GALNT13: variants seen among roughly 807,000 people sequenced by gnomAD.
GALNT13 encodes polypeptide N-acetylgalactosaminyltransferase 13, also known as UDP-GalNAc:polypeptide N-acetylgalactosaminyltransferase 13.
In GALNT13, 28 loss-of-function variants were observed where a neutral mutation model predicts 64.2. The observed-to-expected ratio is 0.44, with a 90% confidence interval of 0.32 to 0.60. The LOEUF is 0.60. Among genes scored for constraint, GALNT13 ranks in the 20% least tolerant of loss-of-function variants. The probability of loss-of-function intolerance (pLI) is 0.05; values close to 1 mark genes in which losing one functional copy is unlikely to be tolerated. For missense variants in GALNT13, 577 were observed against 669.8 expected (o/e 0.86, Z 1.53); for synonymous variants, 214 against 224.6 (o/e 0.95, Z 0.42).
At chr2:153,243,752 A>G in the GALNT13 span, among the ~76,000 whole-genome samples, 1 of 152,174 alleles carries the variant, frequency 6.6e-6, no homozygotes, top group Non-Finnish European at 1.5e-5. Context: ...AGCAAGTTGG[A>G]TAAGATTTGA....
chr2:153,707,660 C>A, the GALNT13 span, among the ~76,000 whole-genome samples: 2 of 152,166 alleles, frequency 1.3e-5, no homozygotes, highest in African/African-American at 4.8e-5. Flanking sequence ...TCTCTTCATG[C>A]TCCTCGTCTA....
the GALNT13 span, among the ~76,000 whole-genome samples, chr2:153,820,684 T>C: frequency 6.6e-6 from 1 of 152,128 alleles, no homozygotes; most frequent in African/African-American, 2.4e-5. Flanking sequence ...ATGTTACCAC[T>C]ACACCAGCCT....
the GALNT13 span, among the ~76,000 whole-genome samples, chr2:153,756,268 C>T: frequency 9.2e-5 from 14 of 152,094 alleles, no homozygotes; most frequent in Admixed American, 7.9e-4. Flanking sequence ...TTAAAATAAG[C>T]ATTTTACCTT....
At chr2:153,133,006 G>GGCCACT in the GALNT13 span, among the ~76,000 whole-genome samples, 1 of 152,004 alleles carries the variant, frequency 6.6e-6, no homozygotes, top group Non-Finnish European at 1.5e-5. Flanking sequence ...TACGGGCATG[G>GGCCACT]GCCACTGTGC....
At chr2:154,125,462 C>G (rs1373355977) in intron 3 of GALNT13, among the ~76,000 whole-genome samples, 4 of 152,044 alleles carry the variant, frequency 2.6e-5, no homozygotes, top group Non-Finnish European at 4.4e-5. Flanking sequence ...ACTTAATGTT[C>G]AGTTATATCT....
At chr2:153,674,386 G>T in the GALNT13 span, among the ~76,000 whole-genome samples, 1 of 152,086 alleles carries the variant, frequency 6.6e-6, no homozygotes, top group Non-Finnish European at 1.5e-5. Context: ...AGAGGTCTAA[G>T]AAATAATACC....
chr2:153,975,328 T>C (rs1463238472), intron 3 of GALNT13, among the ~76,000 whole-genome samples: 5 of 152,068 alleles, frequency 3.3e-5, no homozygotes, highest in Non-Finnish European at 7.4e-5. Context: ...ACTGGTGCTT[T>C]ACCAAATTTC....
At chr2:154,219,307 G>C (rs1688205163) in intron 4 of GALNT13, among the ~76,000 whole-genome samples, 1 of 151,988 alleles carries the variant, frequency 6.6e-6, no homozygotes, top group African/African-American at 2.4e-5. Context: ...TTAAAGGTAA[G>C]GAAATTAGTC....
intron 7 of GALNT13, among the ~76,000 whole-genome samples, chr2:154,257,310 G>A (rs1690433394): frequency 6.6e-6 from 1 of 152,096 alleles, no homozygotes; most frequent in African/African-American, 2.4e-5. Context: ...TTATCAGTAA[G>A]TAGATAAGTA....
chr2:153,094,645 A>G, the GALNT13 span, among the ~76,000 whole-genome samples: 1 of 152,238 alleles, frequency 6.6e-6, no homozygotes, highest in East Asian at 1.9e-4. Context: ...CTATACTACA[A>G]GGCTACAGTA....
At chr2:153,116,322 A>C in the GALNT13 span, among the ~76,000 whole-genome samples, 1 of 152,202 alleles carries the variant, frequency 6.6e-6, no homozygotes, top group Non-Finnish European at 1.5e-5. Context: ...AAAGTAAATG[A>C]GACTGATTTT....
At chr2:153,123,706 G>A in the GALNT13 span, among the ~76,000 whole-genome samples, 1 of 152,150 alleles carries the variant, frequency 6.6e-6, no homozygotes, top group Admixed American at 6.5e-5. Context: ...GAAGCCTAAT[G>A]CCTTTAATGT....
chr2:153,131,257 A>G, the GALNT13 span, among the ~76,000 whole-genome samples: 1 of 152,264 alleles, frequency 6.6e-6, no homozygotes, highest in Non-Finnish European at 1.5e-5. Flanking sequence ...TTGGAAAAGT[A>G]CCCTTTGGAC....
chr2:154,267,255 T>C (rs1226434213), intron 8 of GALNT13, among the ~76,000 whole-genome samples: 1 of 152,150 alleles, frequency 6.6e-6, no homozygotes, highest in African/African-American at 2.4e-5. Context: ...GTGTAACCAT[T>C]GATTAGACAA....
chr2:154,184,546 G>C (rs1338920328), intron 4 of GALNT13, among the ~76,000 whole-genome samples: 1 of 151,570 alleles, frequency 6.6e-6, no homozygotes, highest in Non-Finnish European at 1.5e-5. Flanking sequence ...ATCATTTACA[G>C]TTTCCTCTTT....
At chr2:153,771,523 G>C in the GALNT13 span, among the ~76,000 whole-genome samples, 1 of 152,036 alleles carries the variant, frequency 6.6e-6, no homozygotes, top group Non-Finnish European at 1.5e-5. Flanking sequence ...TTCTGCAAAG[G>C]GGATTGTGTA....
At chr2:153,759,816 T>G in the GALNT13 span, among the ~76,000 whole-genome samples, 3 of 152,092 alleles carry the variant, frequency 2.0e-5, no homozygotes, top group Non-Finnish European at 4.4e-5. Flanking sequence ...ACCAGGATGA[T>G]TCTACCCTCA....
At chr2:154,370,160 T>A (rs979486204) in intron 9 of GALNT13, among the ~76,000 whole-genome samples, 3 of 152,028 alleles carry the variant, frequency 2.0e-5, no homozygotes, top group Non-Finnish European at 4.4e-5. Context: ...TACAAGTCAG[T>A]CTCATTGAAG....
At chr2:154,300,402 C>T (rs1022670248) in intron 8 of GALNT13, among the ~76,000 whole-genome samples, 2 of 151,970 alleles carry the variant, frequency 1.3e-5, no homozygotes, top group Admixed American at 6.6e-5. Flanking sequence ...CGCACCTGGC[C>T]AGAAATGGCC....
Sources: gnomAD v4.1 joint callset for allele counts (sites outside exome capture counted in the v4.1 genomes callset) on GRCh38, gnomAD v4.1.1 for gene constraint, MANE v1.5 for transcripts, NCBI Gene and HGNC (gene_info 2026-07-23, HGNC 2026-07-21) for gene names.